Variants in DNMT3B observed in about 807,000 individuals in gnomAD.
DNMT3B encodes DNA (cytosine-5)-methyltransferase 3B.
DNMT3B carries 37 observed loss-of-function variants against 120.2 expected under a neutral mutation model. The ratio of observed to expected loss-of-function variants is 0.31; its 90% CI spans 0.24 to 0.40. The LOEUF (loss-of-function observed/expected upper bound fraction) is 0.40, where lower values mean the gene tolerates loss of function less well. Among genes scored for constraint, DNMT3B ranks in the 10% least tolerant of loss-of-function variants. DNMT3B has a pLI of 1.00. For missense variants in DNMT3B, 878 were observed against 1,137.3 expected (o/e 0.77, Z 3.28); for synonymous variants, 412 against 442.8 (o/e 0.93, Z 0.87).
chr20:32,800,703 C>A (rs984696903), intron 17 of DNMT3B, 132 bp from the exon 18 acceptor site: 18 of 996,670 alleles, frequency 1.8e-5, no homozygotes, highest in Non-Finnish European at 2.4e-5. Flanking sequence ...AGGTAATCCA[C>A]CCCCGCCGTC....
chr20:32,770,002 C>T (rs927409950), intron 1 of DNMT3B, among the ~76,000 whole-genome samples: 4 of 152,172 alleles, frequency 2.6e-5, no homozygotes, highest in Non-Finnish European at 5.9e-5. Context: ...GTACTACAAT[C>T]ACAGCTCACT....
chr20:32,783,347 T>C (rs565271097), intron 3 of DNMT3B, among the ~76,000 whole-genome samples: 6 of 152,346 alleles, frequency 3.9e-5, no homozygotes, highest in African/African-American at 1.4e-4. Context: ...CAAACAATTA[T>C]ATCTTCTAAG....
chr20:32,772,939 G>T (rs182294635), intron 1 of DNMT3B, among the ~76,000 whole-genome samples: 2 of 142,604 alleles, frequency 1.4e-5, no homozygotes, highest in African/African-American at 5.4e-5. Flanking sequence ...GCAATGGCAC[G>T]ATCCCGAGTA....
rs748307439 is a variant in DNMT3B, at chr20:32,806,106, C to A, written c.2302-103C>A. On this transcript the variant is annotated intron_variant, in intron 21 of 22. Transcript: ENST00000328111. Reference sequence around the variant, plus strand: ...TCTCCCAGCCCTGCCACTCTTCTGCCGCACCTGCGCTCTCCCCTCCATCTT... The same window carrying A: ...TCTCCCAGCCCTGCCACTCTTCTGCAGCACCTGCGCTCTCCCCTCCATCTT... 6.6e-6 allele frequency: 7 copies of A among 1,066,720 alleles called. No homozygotes were observed. In the East Asian group the frequency reaches 1.4e-4, roughly 22 times the overall value. 66.1% of individuals were successfully genotyped at this position (1,066,720 alleles called of 1,614,324 possible). A position where few individuals can be genotyped will look rare whatever the true frequency, so the allele number is the denominator to read the frequency against.
chr20:32,787,279 C>A lies in DNMT3B; in HGVS notation c.482C>A (p.Pro161His). 1 of 1,614,264 alleles carries A rather than the reference C, an allele frequency of 6.2e-7. No homozygotes were observed. Reference protein sequence around the residue: ...TASAGTPWPSPPSSYLTIDLT... With the variant: ...TASAGTPWPSHPSSYLTIDLT... ...TCGGCAGGAACGCCATGGCCGTCCC[C>A]TCCCAGCTCTTACCTTACCATCGAC... is the stretch of plus-strand genomic sequence containing the variant. Residue 161 changes from proline to histidine, a missense_variant, in exon 6 of 23, where the codon CCT (proline) becomes CAT (histidine). Physicochemically the swap from Pro to His is moderately conservative, Grantham distance 77. Transcript: ENST00000328111.
intron 11 of DNMT3B, 45 bp from the exon 12 acceptor site, chr20:32,795,605 C>T (rs557740134): frequency 6.2e-7 from 1 of 1,614,150 alleles, no homozygotes; most frequent in Non-Finnish European, 8.5e-7. Flanking sequence ...TTGATCTGTA[C>T]CCGGCTCCCT....
At chr20:32,787,670 C>T (rs1979489906) in intron 6 of DNMT3B, among the ~76,000 whole-genome samples, 1 of 152,154 alleles carries the variant, frequency 6.6e-6, no homozygotes, top group Non-Finnish European at 1.5e-5. Context: ...CAGTATTTAC[C>T]ACGTGAATAC....
intron 1 of DNMT3B, among the ~76,000 whole-genome samples, chr20:32,779,487 A>G (rs1978332603): frequency 6.6e-6 from 1 of 152,198 alleles, no homozygotes; most frequent in African/African-American, 2.4e-5. Context: ...GCCAGCCCAG[A>G]GGTTATAGCC....
intron 1 of DNMT3B, among the ~76,000 whole-genome samples, chr20:32,774,912 T>A (rs1177988291): frequency 6.6e-6 from 1 of 151,824 alleles, no homozygotes. Flanking sequence ...TAGTAGAGAC[T>A]GGTTACACCA....
chr20:32,795,917 C>T (rs1232427754), intron 12 of DNMT3B, among the ~76,000 whole-genome samples: 5 of 152,208 alleles, frequency 3.3e-5, no homozygotes. Context: ...TGGTGAGGAA[C>T]AAGGGAAGCT....
In DNMT3B at chr20:32,768,728, C is replaced by T. The variant is rs76012053; in HGVS notation, c.-7+6029C>T. 8.9e-3 allele frequency among the ~76,000 whole-genome samples: 1,352 copies of T among 152,210 alleles called. 15 individuals carry two copies. The highest frequency in any genetic ancestry group is 0.014 in the Non-Finnish European group (973 of 67,998). On this transcript the variant is annotated intron_variant, in intron 1 of 22. Transcript: ENST00000328111. ...AATGGGGAGGCACTAACTAGGGTCCCACTGAGCCAGCTACAGGCCCCCGCT... is the reference window on the plus strand; with the variant it reads ...AATGGGGAGGCACTAACTAGGGTCCTACTGAGCCAGCTACAGGCCCCCGCT...
chr20:32,765,499 C>T (rs1237579081), intron 1 of DNMT3B, among the ~76,000 whole-genome samples: 3 of 148,252 alleles, frequency 2.0e-5, no homozygotes, highest in Non-Finnish European at 4.4e-5. Context: ...CAGCTCACTG[C>T]AACCTCTGCC....
Position 32,792,697 on chromosome 20 carries a change from C to T in DNMT3B, c.993C>T (p.Pro331=). The T allele has an allele frequency of 6.2e-7, 1 of 1,614,238 alleles. No homozygotes were observed. The highest frequency in any genetic ancestry group is 1.1e-5 in the South Asian group (1 of 91,088). Residue 331 remains proline (P), a synonymous_variant, in exon 9 of 23, where the codon CCC becomes CCT. Coordinates refer to ENST00000328111, the MANE Select transcript of DNMT3B (RefSeq NM_006892.4). ...PGDSLEDQLK[P]MLEWAHGGFK... ...ACTCATTGGAGGACCAGCTGAAGCC[C>T]ATGTTGGAGTGGGCCCACGGGGGCT...
chr20:32,772,265 A>G (rs1987787956), intron 1 of DNMT3B, among the ~76,000 whole-genome samples: 1 of 152,200 alleles, frequency 6.6e-6, no homozygotes, highest in Non-Finnish European at 1.5e-5. Flanking sequence ...GGCATTTTAG[A>G]TGACACAGTG....
At chr20:32,796,893 G>A (rs2146015538) in intron 13 of DNMT3B, 24 bp downstream of exon 13, 2 of 1,614,140 alleles carry the variant, frequency 1.2e-6, no homozygotes, top group East Asian at 4.5e-5. Flanking sequence ...CTACTGCCCT[G>A]GACCTTCCTC....
rs2424932 is a variant in DNMT3B, at chr20:32,808,730, A to G, written c.*827A>G. The G allele has an allele frequency of 0.7, 159,158 of 228,750 alleles. 57,214 individuals are homozygous for G. Among genetic ancestry groups the G allele is most frequent in the East Asian group, 0.91 (14,622 of 16,038 alleles). The allele number at this position is 228,750 out of a possible 1,614,324, so 14.2% of individuals were successfully genotyped here. On this transcript the variant is annotated 3_prime_UTR_variant, in exon 23 of 23. Transcript: ENST00000328111. Reference sequence around the variant, plus strand: ...TTTTGTAGACAAGTATGGCTCCTCCATATCTCCCTCTTCCCTAGGAGAGGA... The same window carrying G: ...TTTTGTAGACAAGTATGGCTCCTCCGTATCTCCCTCTTCCCTAGGAGAGGA...
intron 1 of DNMT3B, chr20:32,779,752 G>T: frequency 2.5e-6 from 1 of 394,290 alleles, no homozygotes; most frequent in Non-Finnish European, 4.7e-6. Flanking sequence ...ATGGGCCCTG[G>T]AGGATGGGGT....
At chr20:32,799,598 C>T (rs1981072100) in intron 16 of DNMT3B, among the ~76,000 whole-genome samples, 1 of 152,212 alleles carries the variant, frequency 6.6e-6, no homozygotes, top group African/African-American at 2.4e-5. Context: ...GTGCTCACTG[C>T]AGCCCCCATC....
At chr20:32,800,800 C>T in intron 17 of DNMT3B, 35 bp from the exon 18 acceptor site, 5 of 1,608,792 alleles carry the variant, frequency 3.1e-6, no homozygotes, top group Non-Finnish European at 4.3e-6. Context: ...TCCCTCTGTC[C>T]ACACCCTCAT....
Sources: gnomAD v4.1 joint callset for allele counts (sites outside exome capture counted in the v4.1 genomes callset) on GRCh38, gnomAD v4.1.1 for gene constraint, MANE v1.5 for transcripts, NCBI Gene and HGNC (gene_info 2026-07-23, HGNC 2026-07-21) for gene names.